Variants in AVEN observed in about 807,000 individuals in gnomAD.
AVEN encodes apoptosis and caspase activation inhibitor.
AVEN carries 41 observed loss-of-function variants against 38.1 expected under a neutral mutation model. The ratio of observed to expected loss-of-function variants is 1.08; its 90% CI spans 0.84 to 1.40. The LOEUF (loss-of-function observed/expected upper bound fraction) is 1.40, where lower values mean the gene tolerates loss of function less well. AVEN is among the 40% of genes most tolerant of loss of function. The pLI is 0.00. For missense variants in AVEN, 605 were observed against 438.8 expected, an observed-to-expected ratio of 1.38 and a Z score of -3.38; for synonymous variants, 206 against 171.8, an observed-to-expected ratio of 1.20 and a Z score of -1.56.
intron 1 of AVEN, among the ~76,000 whole-genome samples, chr15:34,005,918 G>C (rs377064152): frequency 6.6e-6 from 1 of 152,184 alleles, no homozygotes; most frequent in East Asian, 1.9e-4. Context: ...CTGAAAACTA[G>C]AGCATTCCTG....
At chr15:33,954,285 A>G (rs1463604460) in intron 2 of AVEN, among the ~76,000 whole-genome samples, 2 of 152,230 alleles carry the variant, frequency 1.3e-5, no homozygotes, top group African/African-American at 2.4e-5. Context: ...CATTTGACCC[A>G]GCGATCCCAT....
downstream of AVEN, chr15:33,858,007 C>T (rs2079883444): frequency 6.6e-7 from 1 of 1,513,958 alleles, no homozygotes; most frequent in African/African-American, 1.4e-5. Flanking sequence ...TGGGGGTGCT[C>T]TTGAGAACTG....
intron 5 of AVEN, among the ~76,000 whole-genome samples, chr15:34,057,069 T>A (rs1363093788): frequency 6.6e-6 from 1 of 152,186 alleles, no homozygotes; most frequent in Non-Finnish European, 1.5e-5. Flanking sequence ...TATTGCCTTA[T>A]TATTTTACCC....
intron 2 of AVEN, among the ~76,000 whole-genome samples, chr15:33,898,655 C>G (rs140527862): frequency 2.6e-5 from 4 of 152,218 alleles, no homozygotes; most frequent in African/African-American, 9.6e-5. Context: ...ACCTCATCTT[C>G]ACTTGATCAC....
chr15:33,947,029 T>C (rs774221637), intron 2 of AVEN, among the ~76,000 whole-genome samples: 27 of 152,120 alleles, frequency 1.8e-4, no homozygotes, highest in Non-Finnish European at 2.9e-4. Context: ...TTCTCATCTG[T>C]AGACAGGTTA....
At chr15:33,935,450 C>A (rs572306594) in intron 2 of AVEN, among the ~76,000 whole-genome samples, 25 of 151,560 alleles carry the variant, frequency 1.6e-4, no homozygotes, top group African/African-American at 5.8e-4. Context: ...AATATTGTTG[C>A]ATTAGAAAAG....
chr15:33,860,783 C>T, intron 11 of AVEN: 2 of 791,142 alleles, frequency 2.5e-6, no homozygotes, highest in East Asian at 2.7e-5. Context: ...AGTTTGTTTT[C>T]CATGCCCTGT....
At position 34,036,908 on chromosome 15, in the gene AVEN, G is replaced by C. The variant is rs1285652384; in HGVS notation, c.267+1872C>G. 2.6e-5 allele frequency among the ~76,000 whole-genome samples: 4 copies of C among 151,990 alleles called. No homozygotes were observed. In the South Asian group the frequency reaches 6.2e-4, roughly 24 times the overall value. On this transcript the variant is annotated intron_variant, in intron 1 of 5. Coordinates refer to ENST00000306730, the MANE Select transcript of AVEN (RefSeq NM_020371.3). Reference sequence around the variant, plus strand: ...GTGGATCACCTGAGGTCAGGAGTTCGAGACCAGCCTGACCAACATGGTGAA... The same window carrying C: ...GTGGATCACCTGAGGTCAGGAGTTCCAGACCAGCCTGACCAACATGGTGAA...
intron 2 of AVEN, among the ~76,000 whole-genome samples, chr15:33,881,114 G>C (rs1167002090): frequency 6.6e-6 from 1 of 152,030 alleles, no homozygotes; most frequent in East Asian, 1.9e-4. Flanking sequence ...GTGGAGATTG[G>C]GTCTCACTCT....
chr15:33,853,649 A>T, the AVEN span: 1 of 1,613,932 alleles, frequency 6.2e-7, no homozygotes, highest in Non-Finnish European at 8.5e-7. Context: ...CCAGTAGAAG[A>T]GACCAAAGCA....
intron 5 of AVEN, 61 bp from the exon 6 acceptor site, chr15:33,866,789 C>A (rs1429865314): frequency 1.6e-6 from 2 of 1,221,272 alleles, no homozygotes; most frequent in Admixed American, 3.7e-5. Flanking sequence ...AGGTATAATT[C>A]AGCCCAATTT....
intron 1 of AVEN, among the ~76,000 whole-genome samples, chr15:34,072,874 C>A (rs1900656650): frequency 6.6e-6 from 1 of 151,884 alleles, no homozygotes; most frequent in African/African-American, 2.4e-5. Flanking sequence ...TGGTCTCGAT[C>A]TCCTGACCTT....
chr15:33,891,502 T>C (rs1208664462), intron 2 of AVEN, among the ~76,000 whole-genome samples: 1 of 152,188 alleles, frequency 6.6e-6, no homozygotes, highest in Non-Finnish European at 1.5e-5. Context: ...TTTTCTGTGA[T>C]AGTCTGCTGA....
intron 1 of AVEN, among the ~76,000 whole-genome samples, chr15:34,027,825 C>CAAAA (rs539182561): frequency 3.6e-4 from 22 of 61,230 alleles, no homozygotes; most frequent in African/African-American, 6.7e-4. Context: ...AGGTGAGGCT[C>CAAAA]AAAAAAAAAA....
chr15:34,040,584 T>A (rs1190032484), upstream of AVEN, among the ~76,000 whole-genome samples: 1 of 152,206 alleles, frequency 6.6e-6, no homozygotes, highest in Non-Finnish European at 1.5e-5. Context: ...TAGTGTTGTC[T>A]CCATTTTACA....
Position 33,867,404 on chromosome 15 carries a change from C to A in AVEN, c.973+91G>T. The A allele has an allele frequency of 2.0e-6, 3 of 1,479,042 alleles. 1 individual carries two copies. In the South Asian group the frequency reaches 4.1e-5, roughly 20 times the overall value. 91.6% of individuals were successfully genotyped at this position (1,479,042 alleles called of 1,614,324 possible). On this transcript the variant is annotated intron_variant, in intron 5 of 5. Transcript: ENST00000306730. Reference sequence around the variant, plus strand: ...CAACACTGGATCAATGTCAGACACCCAGAGGGATGTGTGCGGATGTGATGC... The same window carrying A: ...CAACACTGGATCAATGTCAGACACCAAGAGGGATGTGTGCGGATGTGATGC...
At chr15:33,961,542 G>T (rs570040568) in intron 2 of AVEN, among the ~76,000 whole-genome samples, 2 of 151,632 alleles carry the variant, frequency 1.3e-5, no homozygotes, top group Admixed American at 1.3e-4. Context: ...CACTGGGTGA[G>T]GTGGCTCATG....
intron 2 of AVEN, among the ~76,000 whole-genome samples, chr15:33,932,909 G>C (rs565531586): frequency 1.3e-5 from 2 of 152,186 alleles, no homozygotes; most frequent in South Asian, 4.2e-4. Flanking sequence ...AATCAATATA[G>C]TGGGTGTCAG....
intron 2 of AVEN, among the ~76,000 whole-genome samples, chr15:33,995,659 A>C (rs1896902749): frequency 6.6e-6 from 1 of 152,236 alleles, no homozygotes; most frequent in African/African-American, 2.4e-5. Context: ...GAAATGACTA[A>C]ATGAATCAGA....
Sources: gnomAD v4.1 joint callset for allele counts (sites outside exome capture counted in the v4.1 genomes callset) on GRCh38, gnomAD v4.1.1 for gene constraint, MANE v1.5 for transcripts, NCBI Gene and HGNC (gene_info 2026-07-23, HGNC 2026-07-21) for gene names.